Variants in CLSTN2 observed in about 807,000 individuals in gnomAD.
The protein encoded by CLSTN2 is calsyntenin-2.
A neutral mutation model predicts 101.2 loss-of-function variants in CLSTN2; 48 were observed. That is an observed-to-expected ratio of 0.47 (90% CI 0.38 to 0.60). The LOEUF is 0.60. CLSTN2 is among the 20% of genes least tolerant of loss of function. CLSTN2 has a pLI of 0.00. For missense variants in CLSTN2, 1,160 were observed against 1,238.2 expected (o/e 0.94, Z 0.95); for synonymous variants, 481 against 463.6 (o/e 1.04, Z -0.48).
chr3:140,145,716 C>A (rs928270697), intron 1 of CLSTN2, among the ~76,000 whole-genome samples: 2 of 152,222 alleles, frequency 1.3e-5, no homozygotes, highest in African/African-American at 4.8e-5. Flanking sequence ...GCTTTTTCTG[C>A]ATGCTCTCCT....
At chr3:140,098,789 T>C (rs1376093762) in intron 1 of CLSTN2, among the ~76,000 whole-genome samples, 1 of 152,228 alleles carries the variant, frequency 6.6e-6, no homozygotes, top group Non-Finnish European at 1.5e-5. Context: ...GACTTTGTGC[T>C]CCTGAAAGTT....
At chr3:140,489,217 G>T (rs1164282978) in intron 8 of CLSTN2, among the ~76,000 whole-genome samples, 1 of 152,076 alleles carries the variant, frequency 6.6e-6, no homozygotes, top group Non-Finnish European at 1.5e-5. Flanking sequence ...GGGATGGGGT[G>T]CAGGGAAGGG....
intron 6 of CLSTN2, among the ~76,000 whole-genome samples, chr3:140,457,347 T>C (rs933370052): frequency 6.6e-6 from 1 of 152,244 alleles, no homozygotes; most frequent in Non-Finnish European, 1.5e-5. Flanking sequence ...GTCTTCACAC[T>C]GGACAAGTTT....
intron 2 of CLSTN2, among the ~76,000 whole-genome samples, chr3:140,345,428 T>G (rs966161091): frequency 6.6e-6 from 1 of 151,868 alleles, no homozygotes; most frequent in Non-Finnish European, 1.5e-5. Context: ...TTTTGTATCT[T>G]TAGTAGAGAT....
At chr3:140,290,678 G>A (rs374463909) in intron 2 of CLSTN2, among the ~76,000 whole-genome samples, 15 of 152,328 alleles carry the variant, frequency 9.8e-5, no homozygotes, top group African/African-American at 2.6e-4. Context: ...CTGGTTGACC[G>A]CTAGCTTTGG....
intron 2 of CLSTN2, among the ~76,000 whole-genome samples, chr3:140,221,037 A>G (rs1210072266): frequency 1.3e-5 from 2 of 152,238 alleles, no homozygotes; most frequent in African/African-American, 4.8e-5. Flanking sequence ...CTAGGCAGAA[A>G]CATTCTGCTG....
intron 2 of CLSTN2, among the ~76,000 whole-genome samples, chr3:140,359,993 T>TACACACACAC (rs55746611): frequency 1.8e-4 from 27 of 145,974 alleles, no homozygotes; most frequent in African/African-American, 6.1e-4. Context: ...ACATATTTTA[T>TACACACACAC]ACACACACAC....
rs567673179 is a variant in CLSTN2 at position 140,059,926 on chromosome 3, T to A, written c.110-116025T>A. Among the ~76,000 whole-genome samples, 107 of 152,260 alleles carry A rather than the reference T, an allele frequency of 7.0e-4. 2 individuals are homozygous for A. The highest frequency in any genetic ancestry group is 7.2e-4 in the Non-Finnish European group (49 of 68,022). The stretch of plus-strand genomic sequence containing the variant: ...TTTTGCTTAATGATGGAGTTAAGAA[T>A]AACATCCTAATACACCGATCTGGGG... On this transcript the variant is annotated intron_variant, in intron 1 of 16. Coordinates refer to ENST00000458420, the MANE Select transcript of CLSTN2 (RefSeq NM_022131.3).
At chr3:140,255,206 T>C (rs1022179846) in intron 2 of CLSTN2, among the ~76,000 whole-genome samples, 1 of 152,200 alleles carries the variant, frequency 6.6e-6, no homozygotes, top group African/African-American at 2.4e-5. Context: ...CTGGTGGGAA[T>C]GTAAATTAGT....
intron 1 of CLSTN2, among the ~76,000 whole-genome samples, chr3:140,110,930 T>A (rs1219068340): frequency 2.6e-5 from 4 of 152,186 alleles, no homozygotes; most frequent in African/African-American, 9.7e-5. Flanking sequence ...AGAATCATTG[T>A]CCAGTTTCCA....
chr3:140,226,062 T>C (rs1025164567), intron 2 of CLSTN2, among the ~76,000 whole-genome samples: 6 of 152,214 alleles, frequency 3.9e-5, no homozygotes, highest in Non-Finnish European at 7.3e-5. Flanking sequence ...ACTGTTGATA[T>C]ATACAACCAC....
intron 2 of CLSTN2, among the ~76,000 whole-genome samples, chr3:140,292,321 C>A (rs1021101035): frequency 6.6e-6 from 1 of 152,198 alleles, no homozygotes; most frequent in Non-Finnish European, 1.5e-5. Flanking sequence ...GAATATCCTG[C>A]CCAAAATATC....
intron 1 of CLSTN2, among the ~76,000 whole-genome samples, chr3:139,965,992 G>A (rs1215302188): frequency 1.3e-5 from 2 of 152,110 alleles, no homozygotes; most frequent in Non-Finnish European, 2.9e-5. Flanking sequence ...GCATTTTGAC[G>A]CTAGCCAATG....
intron 1 of CLSTN2, among the ~76,000 whole-genome samples, chr3:139,996,813 C>T (rs529354757): frequency 2.6e-5 from 4 of 151,946 alleles, no homozygotes; most frequent in East Asian, 3.9e-4. Flanking sequence ...TTTGGGAGGC[C>T]GAGGTGGGTG....
chr3:140,536,928 C>T (rs1251505292), intron 9 of CLSTN2, among the ~76,000 whole-genome samples: 3 of 152,202 alleles, frequency 2.0e-5, no homozygotes, highest in Non-Finnish European at 2.9e-5. Flanking sequence ...TGGATTCCCA[C>T]AAATATTCAC....
At chr3:140,307,335 G>A (rs913716857) in intron 2 of CLSTN2, among the ~76,000 whole-genome samples, 9 of 152,082 alleles carry the variant, frequency 5.9e-5, no homozygotes, top group African/African-American at 1.9e-4. Flanking sequence ...ACACCTTGCC[G>A]GCCTCCTCCT....
intron 8 of CLSTN2, among the ~76,000 whole-genome samples, chr3:140,469,289 T>A (rs1174536102): frequency 6.6e-6 from 1 of 152,228 alleles, no homozygotes; most frequent in Non-Finnish European, 1.5e-5. Flanking sequence ...GACTGCCTGT[T>A]GATGATCAGA....
At chr3:140,471,179 A>G (rs1933838722) in intron 8 of CLSTN2, among the ~76,000 whole-genome samples, 1 of 152,148 alleles carries the variant, frequency 6.6e-6, no homozygotes, top group Admixed American at 6.5e-5. Context: ...GTCATGTGCA[A>G]ACCCAGACAA....
intron 2 of CLSTN2, among the ~76,000 whole-genome samples, chr3:140,179,240 G>A (rs2010370202): frequency 6.6e-6 from 1 of 151,766 alleles, no homozygotes; most frequent in Non-Finnish European, 1.5e-5. Context: ...GTAAAAGCAT[G>A]AGGTATATGT....
Sources: allele counts gnomAD v4.1 joint callset (sites outside exome capture counted in the v4.1 genomes callset), GRCh38; gene constraint gnomAD v4.1.1; transcripts MANE v1.5; gene names NCBI Gene and HGNC (gene_info 2026-07-23, HGNC 2026-07-21).